The following CD302 variants were observed in gnomAD, a reference collection of about 807,000 sequenced individuals.
CD302 encodes CD302 antigen.
A neutral mutation model predicts 26.5 loss-of-function variants in CD302; 23 were observed. That is an observed-to-expected ratio of 0.87 (90% CI 0.62 to 1.23). The LOEUF (loss-of-function observed/expected upper bound fraction) is 1.23. Ranked by LOEUF, CD302 falls within the 50% of genes most tolerant of loss-of-function variation. The probability of loss-of-function intolerance (pLI) is 0.00; values close to 1 mark genes in which losing one functional copy is unlikely to be tolerated. For synonymous variants in CD302, 90 were observed against 99.4 expected (o/e 0.91, Z 0.56); for missense variants, 290 against 275.5 (o/e 1.05, Z -0.37).
intron 1 of CD302, among the ~76,000 whole-genome samples, chr2:159,791,222 T>C (rs1323998332): frequency 2.0e-5 from 3 of 152,198 alleles, no homozygotes; most frequent in South Asian, 2.1e-4. Context: ...GGCTACCAGA[T>C]GATAGATTTA....
Position 159,770,373 on chromosome 2 carries a change from T to C in CD302, c.*1478A>G, listed in dbSNP as rs1708100076. On this transcript the variant is annotated 3_prime_UTR_variant, in exon 6 of 6. Transcript: ENST00000259053. ...TGTAGCCGCACTGTTAATAGTTTTC[T>C]ATCACTTTTTAGTTACTCATGTCTC... 6.6e-6 allele frequency: 1 copy of C among 152,264 alleles called. No individual in the cohort carries two copies. The highest frequency in any genetic ancestry group is 1.5e-5 in the Non-Finnish European group (1 of 68,016). 9.4% of individuals were successfully genotyped at this position (152,264 alleles called of 1,614,324 possible). A position where few individuals can be genotyped will look rare whatever the true frequency, so the allele number is the denominator to read the frequency against.
At chr2:159,776,963 AAAAT>A (rs926807549) in intron 5 of CD302, among the ~76,000 whole-genome samples, 1 of 152,230 alleles carries the variant, frequency 6.6e-6, no homozygotes, top group Non-Finnish European at 1.5e-5. Context: ...CAACTCAAAA[AAAAT>A]ATGGGTGGCT....
intron 5 of CD302, among the ~76,000 whole-genome samples, chr2:159,777,183 CAA>C (rs1708360809): frequency 6.6e-6 from 1 of 152,162 alleles, no homozygotes; most frequent in African/African-American, 2.4e-5. Context: ...CCCAGGAGGT[CAA>C]GACTGCGGTG....
Position 159,770,845 on chromosome 2 carries a change from A to G in CD302, c.*1006T>C, listed in dbSNP as rs765513659. 8.5e-5 allele frequency: 13 copies of G among 152,204 alleles called. No homozygotes were observed. Among genetic ancestry groups the G allele is most frequent in the South Asian group, 6.2e-4 (3 of 4,824 alleles). The allele number at this position is 152,204 out of a possible 1,614,324, so 9.4% of individuals were successfully genotyped here. On this transcript the variant is annotated 3_prime_UTR_variant, in exon 6 of 6. Transcript: ENST00000259053. ...TATGCATTTCTTAGAACGTATCCCC[A>G]TTGATAAGTGATACGTGACTAATTT...
At chr2:159,796,737 C>T (rs1199839876) in intron 1 of CD302, among the ~76,000 whole-genome samples, 1 of 152,148 alleles carries the variant, frequency 6.6e-6, no homozygotes, top group African/African-American at 2.4e-5. Flanking sequence ...GGGAAATTTG[C>T]CCTCTATTGC....
At chr2:159,775,401 AT>A (rs1708281923) in intron 5 of CD302, among the ~76,000 whole-genome samples, 1 of 152,136 alleles carries the variant, frequency 6.6e-6, no homozygotes, top group African/African-American at 2.4e-5. Context: ...CCACAGACCT[AT>A]TTTTTTCTAA....
chr2:159,794,633 C>G (rs1219993095), intron 1 of CD302, among the ~76,000 whole-genome samples: 1 of 151,856 alleles, frequency 6.6e-6, no homozygotes, highest in Non-Finnish European at 1.5e-5. Context: ...ACTGCAAGCT[C>G]TGTCTCCTGG....
At chr2:159,781,060 T>C (rs947217715) in intron 2 of CD302, 62 bp from the exon 3 acceptor site, 11 of 1,306,048 alleles carry the variant, frequency 8.4e-6, no homozygotes, top group Middle Eastern at 4.0e-4. Flanking sequence ...AATCACTAGG[T>C]ACATAAAAAT....
intron 5 of CD302, among the ~76,000 whole-genome samples, chr2:159,773,513 C>T (rs1708218859): frequency 6.6e-6 from 1 of 152,184 alleles, no homozygotes. Flanking sequence ...GAAATATTTA[C>T]AGACTCAATC....
rs948113196 is a variant in CD302 at position 159,770,313 on chromosome 2, T to G, written c.*1538A>C. The G allele has an allele frequency of 1.3e-5, 2 of 152,192 alleles. No homozygotes were observed. Among genetic ancestry groups the G allele is most frequent in the African/African-American group, 4.8e-5 (2 of 41,440 alleles). The allele number at this position is 152,192 out of a possible 1,614,324, so 9.4% of individuals were successfully genotyped here. A position where few individuals can be genotyped will look rare whatever the true frequency, so the allele number is the denominator to read the frequency against. On this transcript the variant is annotated 3_prime_UTR_variant, in exon 6 of 6. Transcript: ENST00000259053. ...CTTACAGAGCATGCTTGTGCTTGTG[T>G]AACAGCTGGTGTAATGCCTGCATTT...
chr2:159,772,717 ATG>A (rs997164472), intron 5 of CD302, among the ~76,000 whole-genome samples: 2 of 152,228 alleles, frequency 1.3e-5, no homozygotes, highest in Non-Finnish European at 2.9e-5. Flanking sequence ...ACTCTAAAGA[ATG>A]TGAAAACTTT....
In CD302 at chr2:159,772,039, T is replaced by C. The variant is rs555202238; in HGVS notation, c.511A>G (p.Ile171Val). 9.3e-6 allele frequency: 15 copies of C among 1,613,898 alleles called. No homozygotes were observed. Among genetic ancestry groups the C allele is most frequent in the African/African-American group, 1.3e-5 (1 of 75,030 alleles). ...RKYLSDNHIL[I>V]SALVIASTVI... ...GTGCTAGCAATCACCAATGCTGATA[T>C]TAAAATGTGGTTATCTGAAAAGGAA... Residue 171 changes from isoleucine (I) to valine (V), a missense_variant, in exon 6 of 6, where the codon ATA (isoleucine) becomes GTA (valine). Ile to Val is a conservative substitution (Grantham distance 29). Transcript: ENST00000259053.
chr2:159,773,899 C>T (rs1429116448), intron 5 of CD302, among the ~76,000 whole-genome samples: 2 of 152,026 alleles, frequency 1.3e-5, no homozygotes, highest in African/African-American at 4.8e-5. Flanking sequence ...TACTTTTTAG[C>T]CTAACAATGT....
At chr2:159,787,452 C>G (rs1198623280) in intron 1 of CD302, among the ~76,000 whole-genome samples, 3 of 151,354 alleles carry the variant, frequency 2.0e-5, no homozygotes, top group Non-Finnish European at 2.9e-5. Flanking sequence ...GATCCTTTTT[C>G]TTTTAGCTTG....
intron 2 of CD302, chr2:159,781,385 CCAAAAAAAAA>C (rs1253516304): frequency 1.0e-5 from 1 of 99,048 alleles, no homozygotes; most frequent in Non-Finnish European, 2.1e-5. Flanking sequence ...CCTGTCCCTA[CCAAAAAAAAA>C]TAAAATAAAA....
chr2:159,777,665 A>G (rs561442491), intron 5 of CD302, among the ~76,000 whole-genome samples: 2 of 152,338 alleles, frequency 1.3e-5, no homozygotes, highest in East Asian at 3.9e-4. Flanking sequence ...ATAAAGTATT[A>G]TGACACTTAG....
At chr2:159,775,949 C>G (rs1400719889) in intron 5 of CD302, among the ~76,000 whole-genome samples, 5 of 146,556 alleles carry the variant, frequency 3.4e-5, no homozygotes, top group African/African-American at 1.3e-4. Flanking sequence ...TGCTCTGTCT[C>G]GCCCAGGCTG....
At chr2:159,788,063 C>T (rs1334997395) in intron 1 of CD302, among the ~76,000 whole-genome samples, 1 of 151,108 alleles carries the variant, frequency 6.6e-6, no homozygotes, top group Non-Finnish European at 1.5e-5. Context: ...GCCAAGATTG[C>T]ACCACTGCAC....
chr2:159,778,989 T>C lies in CD302; in HGVS notation c.469+1016A>G, dbSNP rs1708421335. ...GCTCACGTCTGTAATCCTAACACTT[T>C]GGGAGGCTGAGGTGGGCAGATCACA... On this transcript the variant is annotated intron_variant, in intron 4 of 5. Transcript: ENST00000259053. 2.0e-5 allele frequency among the ~76,000 whole-genome samples: 3 copies of C among 151,994 alleles called. No individual in the cohort carries two copies. The South Asian group carries it at 6.2e-4, about 31-fold the overall frequency.
Sources: gnomAD v4.1 joint callset for allele counts (sites outside exome capture counted in the v4.1 genomes callset) on GRCh38, gnomAD v4.1.1 for gene constraint, MANE v1.5 for transcripts, NCBI Gene and HGNC (gene_info 2026-07-23, HGNC 2026-07-21) for gene names.